The following KIAA1217 variants were observed in gnomAD, a reference collection of about 807,000 sequenced individuals.
KIAA1217 encodes the protein sickle tail protein homolog.
In KIAA1217, 88 loss-of-function variants were observed where a neutral mutation model predicts 163.9. The observed-to-expected ratio is 0.54, with a 90% CI of 0.45 to 0.64. The LOEUF (loss-of-function observed/expected upper bound fraction) is 0.64. Ranked by LOEUF, KIAA1217 falls within the 30% of genes least tolerant of loss-of-function variation. The pLI is 0.00. For synonymous variants in KIAA1217, 903 were observed against 923.1 expected (o/e 0.98, Z 0.39); for missense variants, 2,372 against 2,475.0 (o/e 0.96, Z 0.88).
chr10:24,020,805 C>T (rs1175410084), intron 2 of KIAA1217, among the ~76,000 whole-genome samples: 3 of 151,926 alleles, frequency 2.0e-5, no homozygotes, highest in Non-Finnish European at 4.4e-5. Context: ...GCAGAGGAGA[C>T]AGACTCTACA....
chr10:23,847,163 C>T (rs1005631457), intron 1 of KIAA1217, among the ~76,000 whole-genome samples: 2 of 152,080 alleles, frequency 1.3e-5, no homozygotes, highest in South Asian at 2.1e-4. Flanking sequence ...ATTTTCACAT[C>T]GATGTTCATC....
intron 3 of KIAA1217, among the ~76,000 whole-genome samples, chr10:24,414,777 A>T (rs1177604064): frequency 6.6e-6 from 1 of 152,128 alleles, no homozygotes; most frequent in African/African-American, 2.4e-5. Flanking sequence ...ACCCTCAGAC[A>T]TTTGTTCTTT....
intron 1 of KIAA1217, among the ~76,000 whole-genome samples, chr10:23,784,170 C>A (rs1835384384): frequency 6.6e-6 from 1 of 152,116 alleles, no homozygotes; most frequent in African/African-American, 2.4e-5. Flanking sequence ...GAATTGACCC[C>A]TTTATCATTT....
At chr10:24,297,213 G>A (rs2040728710) in intron 2 of KIAA1217, among the ~76,000 whole-genome samples, 1 of 152,172 alleles carries the variant, frequency 6.6e-6, no homozygotes. Context: ...CACAATAATT[G>A]GAGCAGTTGG....
intron 6 of KIAA1217, among the ~76,000 whole-genome samples, chr10:24,494,250 G>A (rs2066492553): frequency 6.6e-6 from 1 of 152,206 alleles, no homozygotes; most frequent in Admixed American, 6.5e-5. Context: ...GTTTCCGAGG[G>A]AGATGTCTTT....
intron 1 of KIAA1217, among the ~76,000 whole-genome samples, chr10:23,987,949 C>A (rs1281326484): frequency 6.6e-6 from 1 of 152,088 alleles, no homozygotes; most frequent in African/African-American, 2.4e-5. Context: ...TTTGAGGATA[C>A]CAAGGAGAGC....
At chr10:24,340,598 T>C (rs2046969180) in intron 2 of KIAA1217, among the ~76,000 whole-genome samples, 1 of 152,072 alleles carries the variant, frequency 6.6e-6, no homozygotes, top group African/African-American at 2.4e-5. Flanking sequence ...CCCGCATCTC[T>C]TCCCTCCACC....
intron 2 of KIAA1217, among the ~76,000 whole-genome samples, chr10:24,143,367 A>C (rs1425269607): frequency 6.6e-6 from 1 of 152,104 alleles, no homozygotes; most frequent in African/African-American, 2.4e-5. Context: ...CCCAGGTTCA[A>C]GCGATTCTCC....
chr10:24,141,059 A>G (rs1414428703), intron 2 of KIAA1217, among the ~76,000 whole-genome samples: 3 of 152,156 alleles, frequency 2.0e-5, no homozygotes, highest in African/African-American at 7.2e-5. Context: ...GAAGACTACA[A>G]TTCAAACTAC....
At chr10:24,416,388 T>TG (rs1256412769) in intron 3 of KIAA1217, among the ~76,000 whole-genome samples, 1 of 152,062 alleles carries the variant, frequency 6.6e-6, no homozygotes, top group African/African-American at 2.4e-5. Context: ...GTTCATAGAG[T>TG]GGACAGCACA....
chr10:24,117,729 C>A (rs946877695), intron 2 of KIAA1217, among the ~76,000 whole-genome samples: 1 of 152,194 alleles, frequency 6.6e-6, no homozygotes, highest in Admixed American at 6.5e-5. Flanking sequence ...GTGGTCAGGG[C>A]TCTGCAGTCG....
intron 1 of KIAA1217, among the ~76,000 whole-genome samples, chr10:23,834,793 G>T (rs1838370862): frequency 6.6e-6 from 1 of 152,138 alleles, no homozygotes; most frequent in South Asian, 2.1e-4. Flanking sequence ...TGCAGGATTG[G>T]TTGCCATTTA....
At chr10:24,307,625 A>T (rs2042151782) in intron 2 of KIAA1217, among the ~76,000 whole-genome samples, 1 of 152,034 alleles carries the variant, frequency 6.6e-6, no homozygotes. Context: ...AAAAAAAAAA[A>T]AAAATATTAG....
At chr10:24,082,945 G>C (rs550946350) in intron 2 of KIAA1217, among the ~76,000 whole-genome samples, 1 of 152,264 alleles carries the variant, frequency 6.6e-6, no homozygotes, top group African/African-American at 2.4e-5. Flanking sequence ...TTTCTGACTG[G>C]TGTGAGATGG....
intron 2 of KIAA1217, among the ~76,000 whole-genome samples, chr10:24,037,942 C>T (rs1173745245): frequency 6.6e-6 from 1 of 152,198 alleles, no homozygotes; most frequent in Non-Finnish European, 1.5e-5. Context: ...TAATGTCACA[C>T]AAATTTTATC....
chr10:23,740,897 C>T (rs6482339), intron 1 of KIAA1217, among the ~76,000 whole-genome samples: 1 of 152,032 alleles, frequency 6.6e-6, no homozygotes, highest in African/African-American at 2.4e-5. Flanking sequence ...CATTGCACTC[C>T]AGCCTGGGGG....
chr10:24,100,575 G>A (rs1311689369), intron 2 of KIAA1217, among the ~76,000 whole-genome samples: 1 of 152,188 alleles, frequency 6.6e-6, no homozygotes, highest in African/African-American at 2.4e-5. Flanking sequence ...TGTAAGACAA[G>A]CACTTAATAC....
At position 23,985,866 on chromosome 10, in the gene KIAA1217, C is replaced by T. The variant is rs1041593576; in HGVS notation, c.-320-21359C>T. ...GAATTTCCAACAAATTATCTGTAGG[C>T]TGCCCCTCTTGTATTGTCCAAAGCA... is the stretch of plus-strand genomic sequence containing the variant. On this transcript the variant is annotated intron_variant, in intron 1 of 18. Coordinates refer to the KIAA1217 transcript ENST00000376462. Among the ~76,000 whole-genome samples the T allele has an allele frequency of 2.6e-5, 4 of 152,180 alleles. No homozygotes were observed. In the South Asian group the frequency reaches 8.3e-4, roughly 32 times the overall value.
At chr10:24,277,942 G>A (rs532540421) in intron 2 of KIAA1217, among the ~76,000 whole-genome samples, 2 of 152,236 alleles carry the variant, frequency 1.3e-5, no homozygotes, top group East Asian at 3.8e-4. Flanking sequence ...ATAGAAAGCA[G>A]TGCTTGCTGG....
Sources: gnomAD v4.1 joint callset for allele counts (sites outside exome capture counted in the v4.1 genomes callset) on GRCh38, gnomAD v4.1.1 for gene constraint, MANE v1.5 for transcripts, NCBI Gene and HGNC (gene_info 2026-07-23, HGNC 2026-07-21) for gene names.